The following ANKS1A variants were observed in gnomAD, a reference collection of about 807,000 sequenced individuals.
The protein encoded by ANKS1A is ankyrin repeat and sterile alpha motif domain containing 1A.
Under a neutral mutation model 120.3 loss-of-function variants are expected in ANKS1A, and 55 were observed. The ratio of observed to expected loss-of-function variants is 0.46; its 90% CI spans 0.37 to 0.57. The LOEUF is 0.57. Among genes scored for constraint, ANKS1A ranks in the 20% least tolerant of loss-of-function variants. The pLI is 0.00. For synonymous variants in ANKS1A, 590 were observed against 604.7 expected (o/e 0.98, Z 0.36); for missense variants, 1,123 against 1,480.3 (o/e 0.76, Z 3.96).
intron 13 of ANKS1A, 139 bp from the exon 14 acceptor site, chr6:35,078,419 G>T: frequency 1.4e-6 from 1 of 739,896 alleles, no homozygotes; most frequent in Non-Finnish European, 2.3e-6. Context: ...GGCAGTCTGG[G>T]CAGACTTGTC....
rs375836251 is a variant in ANKS1A at position 35,060,067 on chromosome 6, T to C, written c.2078-80T>C. On this transcript the variant is annotated intron_variant, in intron 12 of 23. Coordinates refer to ENST00000360359, the MANE Select transcript of ANKS1A (RefSeq NM_015245.3). This position sits in a 1 kb window ranked among gnomAD's most constrained non-coding sequence, Gnocchi z 4.5. ...TAATGACTATGATGTGGCAATGCCATCTATCTTCCTCTGAGTGCCGCTGCT... is the reference window on the plus strand; with the variant it reads ...TAATGACTATGATGTGGCAATGCCACCTATCTTCCTCTGAGTGCCGCTGCT... 5.3e-6 allele frequency: 6 copies of C among 1,139,546 alleles called. No homozygotes were observed. Among genetic ancestry groups the C allele is most frequent in the African/African-American group, 3.0e-5 (2 of 65,662 alleles). The allele number at this position is 1,139,546 out of a possible 1,614,324, so 70.6% of individuals were successfully genotyped here. A position where few individuals can be genotyped will look rare whatever the true frequency, so the allele number is the denominator to read the frequency against.
intron 1 of ANKS1A, among the ~76,000 whole-genome samples, chr6:34,961,381 G>A (rs368745023): frequency 2.0e-5 from 3 of 152,180 alleles, no homozygotes; most frequent in African/African-American, 2.4e-5. Context: ...CTCCAGTTTC[G>A]TTTAGATTTT....
chr6:34,901,064 C>T (rs573114914), intron 1 of ANKS1A, among the ~76,000 whole-genome samples: 5 of 152,178 alleles, frequency 3.3e-5, no homozygotes, highest in Admixed American at 6.5e-5. Flanking sequence ...CTGTGCCCCC[C>T]GCAACCAGTT....
intron 13 of ANKS1A, among the ~76,000 whole-genome samples, chr6:35,071,984 A>T (rs76264474): frequency 0.011 from 1,708 of 152,334 alleles, 17 homozygotes; most frequent in Middle Eastern, 0.017. Context: ...CCTTTGGCTA[A>T]AAGGGTCTAC....
At chr6:34,915,292 C>T (rs1375147905) in intron 1 of ANKS1A, among the ~76,000 whole-genome samples, 2 of 152,204 alleles carry the variant, frequency 1.3e-5, no homozygotes, top group African/African-American at 4.8e-5. Flanking sequence ...AAGGAGTCCC[C>T]GTAATTAGTA....
intron 13 of ANKS1A, among the ~76,000 whole-genome samples, chr6:35,073,993 T>G (rs2127601215): frequency 6.6e-6 from 1 of 152,400 alleles, no homozygotes; most frequent in Admixed American, 6.5e-5. Context: ...TTTGCCTTTC[T>G]TTTCTGTCAT....
At position 35,014,935 on chromosome 6, in the gene ANKS1A, C is replaced by G. The variant is rs184012573; in HGVS notation, c.1424-2538C>G. 2.3e-3 allele frequency among the ~76,000 whole-genome samples: 357 copies of G among 152,302 alleles called. 1 individual carries two copies. Among genetic ancestry groups the G allele is most frequent in the African/African-American group, 8.1e-3 (336 of 41,548 alleles). ...TGAACCACATTAAATGGTCATGTGT[C>G]ATCCTCACTGTAGCCCCACCATGCA... On this transcript the variant is annotated intron_variant, in intron 10 of 23. Transcript: ENST00000360359.
In ANKS1A at chr6:35,082,838, A is replaced by G; in HGVS notation, c.2835+22A>G. 6.2e-7 allele frequency: 1 copy of G among 1,602,816 alleles called. No homozygotes were observed. Among genetic ancestry groups the G allele is most frequent in the Non-Finnish European group, 8.5e-7 (1 of 1,174,376 alleles). ...CAATGTGAGTTGCTCCCACCCTCCC[A>G]GCAGGGCCGGCCTCCCTGCTCCTTC... On this transcript the variant is annotated intron_variant, in intron 18 of 23. Coordinates refer to ENST00000360359, the MANE Select transcript of ANKS1A (RefSeq NM_015245.3). This position sits in a 1 kb window ranked among gnomAD's most constrained non-coding sequence, Gnocchi z 4.1.
intron 11 of ANKS1A, among the ~76,000 whole-genome samples, chr6:35,040,220 T>A (rs1775389045): frequency 6.6e-6 from 1 of 152,200 alleles, no homozygotes; most frequent in Admixed American, 6.5e-5. Flanking sequence ...CAAGAAAGGT[T>A]TAGGCCCTGT....
At chr6:34,932,279 G>A (rs1210080135) in intron 1 of ANKS1A, among the ~76,000 whole-genome samples, 3 of 152,156 alleles carry the variant, frequency 2.0e-5, no homozygotes, top group African/African-American at 2.4e-5. Context: ...TCGGCCTCCC[G>A]GGTTCAAGCA....
chr6:34,998,605 T>C (rs1350360452), intron 10 of ANKS1A, among the ~76,000 whole-genome samples: 1 of 152,170 alleles, frequency 6.6e-6, no homozygotes, highest in Non-Finnish European at 1.5e-5. Context: ...TATTTCACTC[T>C]GACCACCGTT....
At position 35,004,144 on chromosome 6, in the gene ANKS1A, C is replaced by T. The variant is rs1000234802; in HGVS notation, c.1423+9722C>T. Among the ~76,000 whole-genome samples the T allele has an allele frequency of 1.0e-4, 8 of 79,066 alleles. No homozygotes were observed. The South Asian group carries it at 1.9e-3, about 19-fold the overall frequency. 51.9% of individuals were successfully genotyped at this position (79,066 alleles called of 152,430 possible). A position where few individuals can be genotyped will look rare whatever the true frequency, so the allele number is the denominator to read the frequency against. ...CTCAGTCGATCACGACCCTCTCACA[C>T]GGACCCCCCCTTAGAGTTGTGAGCC... On this transcript the variant is annotated intron_variant, in intron 10 of 23. Coordinates refer to ENST00000360359, the MANE Select transcript of ANKS1A (RefSeq NM_015245.3).
chr6:34,897,278 C>T (rs1228159332), intron 1 of ANKS1A, among the ~76,000 whole-genome samples: 24 of 152,072 alleles, frequency 1.6e-4, no homozygotes, highest in Admixed American at 1.6e-3. Context: ...GTTCACGGGT[C>T]ATAGGAGGTT....
intron 1 of ANKS1A, among the ~76,000 whole-genome samples, chr6:34,894,686 A>G (rs2127441539): frequency 6.6e-6 from 1 of 152,318 alleles, no homozygotes; most frequent in East Asian, 1.9e-4. Context: ...AAGAAAAAAG[A>G]AAACCAGCCA....
chr6:35,085,668 G>A lies in ANKS1A; in HGVS notation c.3133-98G>A, dbSNP rs575837905. On this transcript the variant is annotated intron_variant, in intron 21 of 23. Coordinates refer to ENST00000360359, the MANE Select transcript of ANKS1A (RefSeq NM_015245.3). This position sits in a 1 kb window ranked among gnomAD's most constrained non-coding sequence, Gnocchi z 4.7. ...AAGGAGGTAGGAGCGCTCCCGGGTA[G>A]ACTTAGAGGGGGACACATGGTCCCT... is the stretch of plus-strand genomic sequence containing the variant. The A allele has an allele frequency of 5.6e-3, 7,431 of 1,320,744 alleles. 29 individuals are homozygous for A. The highest frequency in any genetic ancestry group is 7.0e-3 in the Non-Finnish European group (6,900 of 978,996). 81.8% of individuals were successfully genotyped at this position (1,320,744 alleles called of 1,614,324 possible). A position where few individuals can be genotyped will look rare whatever the true frequency, so the allele number is the denominator to read the frequency against.
downstream of ANKS1A, among the ~76,000 whole-genome samples, chr6:35,094,633 T>G (rs1778403987): frequency 6.6e-6 from 1 of 151,794 alleles, no homozygotes; most frequent in Non-Finnish European, 1.5e-5. Flanking sequence ...ACTAAAAAAA[T>G]ACAATAACCA....
At position 35,086,204 on chromosome 6, in the gene ANKS1A, G is replaced by A; in HGVS notation, c.3303+268G>A. 1 of 1,331,066 alleles carries A rather than the reference G, an allele frequency of 7.5e-7. No homozygotes were observed. The highest frequency in any genetic ancestry group is 1.0e-6 in the Non-Finnish European group (1 of 990,122). The allele number at this position is 1,331,066 out of a possible 1,614,324, so 82.5% of individuals were successfully genotyped here. ...GGCCGTCAAGGGGCTGCAGAGAGCG[G>A]CCTGCAGGCAGCCCCCAGTAACTGC... On this transcript the variant is annotated intron_variant, in intron 22 of 23. Transcript: ENST00000360359. The surrounding 1 kb of genome is among the most constrained non-coding windows in gnomAD (Gnocchi z 5.1).
At chr6:35,036,930 AG>A (rs1775203577) in intron 11 of ANKS1A, among the ~76,000 whole-genome samples, 1 of 152,230 alleles carries the variant, frequency 6.6e-6, no homozygotes, top group South Asian at 2.1e-4. Context: ...CAGGCTCCTC[AG>A]GTGGTTCTCA....
intron 1 of ANKS1A, among the ~76,000 whole-genome samples, chr6:34,935,510 T>C (rs1047966907): frequency 5.3e-5 from 8 of 152,246 alleles, no homozygotes; most frequent in South Asian, 2.1e-4. Flanking sequence ...TGTTGGACTT[T>C]GTCATCTGTA....
Sources: allele counts gnomAD v4.1 joint callset (sites outside exome capture counted in the v4.1 genomes callset), GRCh38; gene constraint gnomAD v4.1.1; non-coding constraint Gnocchi (gnomAD v3.1); transcripts MANE v1.5; gene names NCBI Gene and HGNC (gene_info 2026-07-23, HGNC 2026-07-21).